RERE: variants seen among roughly 807,000 people sequenced by gnomAD.
The protein encoded by RERE is arginine-glutamic acid dipeptide repeats protein.
Under a neutral mutation model 146.1 loss-of-function variants are expected in RERE, and 40 were observed. The observed-to-expected ratio is 0.27, with a 90% CI of 0.21 to 0.36. The LOEUF (loss-of-function observed/expected upper bound fraction) is 0.36. Ranked by LOEUF, RERE falls within the 10% of genes least tolerant of loss-of-function variation. The probability of loss-of-function intolerance (pLI) is 1.00; values close to 1 mark genes in which losing one functional copy is unlikely to be tolerated. For synonymous variants in RERE, 1,003 were observed against 866.0 expected (o/e 1.16, Z -2.78); for missense variants, 1,933 against 2,138.7 (o/e 0.90, Z 1.90).
Position 8,423,718 on chromosome 1 carries a change from C to A in RERE, c.1204-911G>T. 1 of 979,608 alleles carries A rather than the reference C, an allele frequency of 1.0e-6. No individual in the cohort carries two copies. The highest frequency in any genetic ancestry group is 1.2e-6 in the Non-Finnish European group (1 of 827,246). 60.7% of individuals were successfully genotyped at this position (979,608 alleles called of 1,614,324 possible). A position where few individuals can be genotyped will look rare whatever the true frequency, so the allele number is the denominator to read the frequency against. On this transcript the variant is annotated intron_variant, in intron 11 of 22. Coordinates refer to ENST00000400908, the MANE Select transcript of RERE (RefSeq NM_001042681.2). This position sits in a 1 kb window ranked among gnomAD's most constrained non-coding sequence, Gnocchi z 5.4. ...CGGGTGGCTCGGCGTGTGACCGCGG[C>A]GGGGCCGCGCGGCGCGGGGCCCGGG...
At chr1:8,363,069 G>A (rs575846216) in intron 15 of RERE, among the ~76,000 whole-genome samples, 17 of 152,218 alleles carry the variant, frequency 1.1e-4, no homozygotes, top group Non-Finnish European at 2.9e-5. Flanking sequence ...GCCAGAGGGC[G>A]GTTCTCAAAC....
intron 1 of RERE, among the ~76,000 whole-genome samples, chr1:8,659,131 G>A (rs951945164): frequency 1.3e-5 from 2 of 152,208 alleles, no homozygotes; most frequent in Non-Finnish European, 2.9e-5. Flanking sequence ...CAGATGAACC[G>A]TCTGCTAAAC....
intron 1 of RERE, among the ~76,000 whole-genome samples, chr1:8,657,966 T>A (rs894615790): frequency 6.6e-6 from 1 of 152,206 alleles, no homozygotes; most frequent in African/African-American, 2.4e-5. Context: ...ATAAATGGTA[T>A]CCCTAATAAA....
At chr1:8,746,177 T>C (rs542357233) in intron 1 of RERE, among the ~76,000 whole-genome samples, 1 of 152,382 alleles carries the variant, frequency 6.6e-6, no homozygotes, top group African/African-American at 2.4e-5. Context: ...CTTCAGGGTA[T>C]TGCCAAAGTA....
intron 4 of RERE, among the ~76,000 whole-genome samples, chr1:8,594,829 T>A (rs1019226167): frequency 6.6e-6 from 1 of 152,062 alleles, no homozygotes; most frequent in Non-Finnish European, 1.5e-5. Flanking sequence ...CCCACTCACT[T>A]CCAGGAGGCC....
At chr1:8,785,181 T>C (rs1006991270) in intron 1 of RERE, among the ~76,000 whole-genome samples, 1 of 152,230 alleles carries the variant, frequency 6.6e-6, no homozygotes, top group African/African-American at 2.4e-5. Flanking sequence ...AGATGTCATT[T>C]ACATGCCCCC....
chr1:8,622,698 T>C (rs1264331608), intron 3 of RERE, among the ~76,000 whole-genome samples: 6 of 152,018 alleles, frequency 3.9e-5, no homozygotes, highest in South Asian at 4.1e-4. Context: ...TAGAAGTAAA[T>C]AGCACATTTG....
chr1:8,412,155 A>G (rs1304561188), intron 12 of RERE, among the ~76,000 whole-genome samples: 1 of 152,194 alleles, frequency 6.6e-6, no homozygotes, highest in Non-Finnish European at 1.5e-5. Context: ...GTTACTATTA[A>G]TATTTCTTGC....
At chr1:8,376,097 C>T (rs1642238041) in intron 12 of RERE, among the ~76,000 whole-genome samples, 1 of 152,196 alleles carries the variant, frequency 6.6e-6, no homozygotes. Context: ...TAACCTTAGA[C>T]TCTGCTGTGC....
chr1:8,371,037 T>C (rs1348832687), intron 12 of RERE, among the ~76,000 whole-genome samples: 1 of 152,184 alleles, frequency 6.6e-6, no homozygotes, highest in African/African-American at 2.4e-5. Flanking sequence ...TCAACATATC[T>C]TATGTCTCGG....
At chr1:8,718,947 T>C (rs563095087) in intron 1 of RERE, among the ~76,000 whole-genome samples, 1 of 152,304 alleles carries the variant, frequency 6.6e-6, no homozygotes, top group East Asian at 1.9e-4. Flanking sequence ...TTGGACTCTG[T>C]CATCGACTTA....
intron 1 of RERE, among the ~76,000 whole-genome samples, chr1:8,694,439 A>G (rs1369552211): frequency 6.6e-6 from 1 of 152,218 alleles, no homozygotes; most frequent in Non-Finnish European, 1.5e-5. Context: ...AAATCTCTGC[A>G]AAGAGAACTA....
chr1:8,549,116 G>A lies in RERE; in HGVS notation c.725+7359C>T, dbSNP rs549585076. On this transcript the variant is annotated intron_variant, in intron 6 of 22. Transcript: ENST00000400908. ...ACATCCTAGCTCTGCCTGCTAACTG[G>A]ATCTAGAAACAATGATATCCAGTAG... Among the ~76,000 whole-genome samples, 4 of 152,264 alleles carry A rather than the reference G, an allele frequency of 2.6e-5. No individual in the cohort carries two copies. In the South Asian group the frequency reaches 8.3e-4, roughly 32 times the overall value.
intron 12 of RERE, among the ~76,000 whole-genome samples, chr1:8,373,328 C>A (rs899034191): frequency 1.3e-5 from 2 of 152,146 alleles, no homozygotes; most frequent in African/African-American, 4.8e-5. Context: ...CCTGCTTAAA[C>A]TTTTGTTTGA....
chr1:8,606,103 A>C (rs1360547372), intron 4 of RERE, among the ~76,000 whole-genome samples: 1 of 152,132 alleles, frequency 6.6e-6, no homozygotes, highest in East Asian at 1.9e-4. Context: ...GGCATGGGTT[A>C]CCACACCCAG....
intron 1 of RERE, among the ~76,000 whole-genome samples, chr1:8,809,653 G>C (rs927845534): frequency 3.3e-5 from 5 of 152,086 alleles, no homozygotes; most frequent in African/African-American, 1.2e-4. Flanking sequence ...TTCATTCTTA[G>C]CAGTATACAA....
chr1:8,564,648 GA>G (rs201080505), intron 4 of RERE, among the ~76,000 whole-genome samples: 2,966 of 152,110 alleles, frequency 0.019, 44 homozygotes, highest in Non-Finnish European at 0.027. Flanking sequence ...TTAGATCCAG[GA>G]ATCCCACTTC....
intron 11 of RERE, among the ~76,000 whole-genome samples, chr1:8,448,918 G>A (rs1644357862): frequency 6.6e-6 from 1 of 151,096 alleles, no homozygotes; most frequent in Non-Finnish European, 1.5e-5. Flanking sequence ...AAATCAAACT[G>A]AAGAATGACT....
At chr1:8,440,256 T>C (rs569213700) in intron 11 of RERE, among the ~76,000 whole-genome samples, 3 of 152,282 alleles carry the variant, frequency 2.0e-5, no homozygotes, top group Non-Finnish European at 4.4e-5. Flanking sequence ...TTATCTCTTC[T>C]GTGCCATGGA....
Sources: gnomAD v4.1 joint callset for allele counts (sites outside exome capture counted in the v4.1 genomes callset) on GRCh38, gnomAD v4.1.1 for gene constraint, Gnocchi (gnomAD v3.1) non-coding constraint, MANE v1.5 for transcripts, NCBI Gene and HGNC (gene_info 2026-07-23, HGNC 2026-07-21) for gene names.